Variants in ARID2 observed in about 807,000 individuals in gnomAD.
ARID2 encodes AT-rich interactive domain-containing protein 2.
A neutral mutation model predicts 184.6 loss-of-function variants in ARID2; 32 were observed. The ratio of observed to expected loss-of-function variants is 0.17; its 90% CI spans 0.13 to 0.23. ARID2 has a LOEUF of 0.23. Among genes scored for constraint, ARID2 ranks in the 10% least tolerant of loss-of-function variants. The probability of loss-of-function intolerance (pLI) is 1.00; values close to 1 mark genes in which losing one functional copy is unlikely to be tolerated. For synonymous variants in ARID2, 836 were observed against 772.6 expected (o/e 1.08, Z -1.36); for missense variants, 1,696 against 2,197.6 (o/e 0.77, Z 4.56).
At position 45,763,931 on chromosome 12, in the gene ARID2, A is replaced by T. The variant is rs144626470; in HGVS notation, c.284+32617A>T. 4.3e-4 allele frequency among the ~76,000 whole-genome samples: 65 copies of T among 152,320 alleles called. No individual in the cohort carries two copies. The East Asian group carries it at 0.012, about 27-fold the overall frequency. ...TTAATTTTTAGAGTATTTAATATTT[A>T]TAGAAAATTGCAAATAGAAAGGATC... On this transcript the variant is annotated intron_variant, in intron 3 of 20. Coordinates refer to ENST00000334344, the MANE Select transcript of ARID2 (RefSeq NM_152641.4).
At chr12:45,799,709 G>A (rs1440472831) in intron 3 of ARID2, among the ~76,000 whole-genome samples, 2 of 152,084 alleles carry the variant, frequency 1.3e-5, no homozygotes, top group Non-Finnish European at 2.9e-5. Flanking sequence ...AAATGTGTAA[G>A]TACCAAGGTA....
chr12:45,840,405 T>C (rs1592111410), intron 11 of ARID2: 1 of 152,188 alleles, frequency 6.6e-6, no homozygotes, highest in Non-Finnish European at 1.5e-5. Flanking sequence ...GCATCTGGAC[T>C]CATTTTCCTT....
intron 4 of ARID2, among the ~76,000 whole-genome samples, chr12:45,812,817 T>G (rs1942733742): frequency 6.6e-6 from 1 of 152,228 alleles, no homozygotes; most frequent in South Asian, 2.1e-4. Flanking sequence ...AACTTACAAC[T>G]CTGTGTGATC....
intron 5 of ARID2, among the ~76,000 whole-genome samples, chr12:45,820,566 T>C (rs1169742538): frequency 6.6e-6 from 1 of 152,192 alleles, no homozygotes; most frequent in Non-Finnish European, 1.5e-5. Context: ...GTTGTCATTA[T>C]ATAATTTTCT....
intron 3 of ARID2, among the ~76,000 whole-genome samples, chr12:45,802,596 A>G (rs1053877903): frequency 1.3e-5 from 2 of 151,960 alleles, no homozygotes; most frequent in African/African-American, 4.8e-5. Flanking sequence ...ATTGCTCATC[A>G]TCTAATGTTA....
At chr12:45,803,907 G>A (rs1158051984) in intron 3 of ARID2, among the ~76,000 whole-genome samples, 3 of 152,140 alleles carry the variant, frequency 2.0e-5, no homozygotes, top group Non-Finnish European at 4.4e-5. Flanking sequence ...AATGAGTAAA[G>A]GTTCCACTTG....
At position 45,901,325 on chromosome 12, in the gene ARID2, C is replaced by G. The variant is rs1432934474; in HGVS notation, c.5364-3609C>G. Among the ~76,000 whole-genome samples, 3 of 151,666 alleles carry G rather than the reference C, an allele frequency of 2.0e-5. No homozygotes were observed. The South Asian group carries it at 6.3e-4, about 32-fold the overall frequency. ...AGCTGGGACTACAGGCGCCCACCAC[C>G]ATGCCCCGCTAATATTTTGTATATT... On this transcript the variant is annotated intron_variant, in intron 20 of 20. Transcript: ENST00000334344.
chr12:45,849,779 G>T lies in ARID2; in HGVS notation c.1912+3G>T. 6.2e-7 allele frequency: 1 copy of T among 1,605,162 alleles called. No homozygotes were observed. The highest frequency in any genetic ancestry group is 1.1e-5 in the South Asian group (1 of 88,740). The stretch of plus-strand genomic sequence containing the variant: ...ATCTCCTGCTCCTTCACCTGCAGGT[G>T]TTAATTTTTATTGTATTTTTAAAGT... On this transcript the variant is annotated splice_donor_region_variant and intron_variant, in intron 14 of 20. Coordinates refer to ENST00000334344, the MANE Select transcript of ARID2 (RefSeq NM_152641.4).
chr12:45,893,837 A>G, intron 20 of ARID2, 116 bp downstream of exon 20: 2 of 928,800 alleles, frequency 2.2e-6, no homozygotes, highest in Non-Finnish European at 3.1e-6. Context: ...AATTTTGCAA[A>G]TACATCCAAA....
intron 20 of ARID2, among the ~76,000 whole-genome samples, chr12:45,898,673 T>G (rs903326548): frequency 6.6e-6 from 1 of 152,166 alleles, no homozygotes. Flanking sequence ...CCCGGCACTT[T>G]GGGAGGCTGA....
At chr12:45,873,119 T>A (rs773229126) in intron 16 of ARID2, among the ~76,000 whole-genome samples, 7 of 152,236 alleles carry the variant, frequency 4.6e-5, no homozygotes, top group Non-Finnish European at 1.0e-4. Flanking sequence ...TTCTTTATCA[T>A]TATGTAATGC....
chr12:45,730,405 G>T (rs1388305646), intron 2 of ARID2, among the ~76,000 whole-genome samples: 1 of 146,316 alleles, frequency 6.8e-6, no homozygotes, highest in South Asian at 2.1e-4. Flanking sequence ...GGGCCGGCGG[G>T]GTCTGAGCGC....
chr12:45,905,166 C>A lies in ARID2; in HGVS notation c.*88C>A. 1.5e-6 allele frequency: 2 copies of A among 1,338,908 alleles called. No homozygotes were observed. Among genetic ancestry groups the A allele is most frequent in the Non-Finnish European group, 2.0e-6 (2 of 989,042 alleles). The allele number at this position is 1,338,908 out of a possible 1,614,324, so 82.9% of individuals were successfully genotyped here. A position where few individuals can be genotyped will look rare whatever the true frequency, so the allele number is the denominator to read the frequency against. On this transcript the variant is annotated 3_prime_UTR_variant, in exon 21 of 21. Transcript: ENST00000334344. ...AAGAAAGCACCAAGTCTTAATGGAACAAAGACCATAGAATGAATTATTTTA... is the reference window on the plus strand; with the variant it reads ...AAGAAAGCACCAAGTCTTAATGGAAAAAAGACCATAGAATGAATTATTTTA...
At chr12:45,730,243 C>A in intron 2 of ARID2, 106 bp downstream of exon 2, 1 of 1,067,474 alleles carries the variant, frequency 9.4e-7, no homozygotes, top group Non-Finnish European at 1.3e-6. Flanking sequence ...CCCGCGGGGG[C>A]AAAAGGCGTT....
intron 6 of ARID2, among the ~76,000 whole-genome samples, chr12:45,833,093 C>G (rs1228159788): frequency 1.3e-5 from 2 of 152,084 alleles, no homozygotes; most frequent in East Asian, 3.9e-4. Context: ...TGGATATTTT[C>G]TATTGTTATG....
In ARID2 at chr12:45,849,639, C is replaced by G. The variant is rs2138156804; in HGVS notation, c.1775C>G (p.Ala592Gly). Residue 592 changes from alanine to glycine, a missense_variant, in exon 14 of 21, where the codon GCA becomes GGA. Transcript: ENST00000334344. ...GAGGATTCCAGTAGCAATGGGCAGGCACATATTCATGTGGTAGGAGTAAAA... is the reference window on the plus strand; with the variant it reads ...GAGGATTCCAGTAGCAATGGGCAGGGACATATTCATGTGGTAGGAGTAAAA... ...RVEDSSSNGQ[A>G]HIHVVGVKRR... is the part of the protein sequence containing the mutation. The G allele has an allele frequency of 6.2e-7, 1 of 1,613,660 alleles. No homozygotes were observed. The highest frequency in any genetic ancestry group is 8.5e-7 in the Non-Finnish European group (1 of 1,179,712).
chr12:45,892,168 C>A, intron 18 of ARID2, 72 bp downstream of exon 18: 2 of 1,460,066 alleles, frequency 1.4e-6, no homozygotes, highest in Non-Finnish European at 9.3e-7. Flanking sequence ...AAATGAAACG[C>A]AACTTAGCAT....
intron 16 of ARID2, among the ~76,000 whole-genome samples, chr12:45,889,354 C>T (rs896236159): frequency 8.5e-5 from 13 of 152,062 alleles, no homozygotes; most frequent in Non-Finnish European, 1.6e-4. Context: ...CTATATATCA[C>T]AGGTAATTTT....
chr12:45,898,769 T>C (rs1944403246), intron 20 of ARID2, among the ~76,000 whole-genome samples: 2 of 151,814 alleles, frequency 1.3e-5, no homozygotes, highest in African/African-American at 4.8e-5. Context: ...ATATAAAAAT[T>C]AGCTGGGCAT....
Sources: allele counts gnomAD v4.1 joint callset (sites outside exome capture counted in the v4.1 genomes callset), GRCh38; gene constraint gnomAD v4.1.1; transcripts MANE v1.5; gene names NCBI Gene and HGNC (gene_info 2026-07-23, HGNC 2026-07-21).